The following CNN2 variants were observed in gnomAD, a reference collection of about 807,000 sequenced individuals.
CNN2 encodes the protein calponin 2, also known as calponin-2.
Under a neutral mutation model 31.0 loss-of-function variants are expected in CNN2, and 21 were observed. The ratio of observed to expected loss-of-function variants is 0.68; its 90% CI spans 0.48 to 0.98. CNN2 has a LOEUF of 0.98. CNN2 is among the 50% of genes least tolerant of loss of function. CNN2 has a pLI of 0.00. For missense variants in CNN2, 399 were observed against 427.3 expected (o/e 0.93, Z 0.58); for synonymous variants, 165 against 179.6 (o/e 0.92, Z 0.65).
Position 1,035,181 on chromosome 19 carries a change from G to A in CNN2, c.391-949G>A, listed in dbSNP as rs2436552. On this transcript the variant is annotated intron_variant, in intron 4 of 6. Transcript: ENST00000263097. ...GGGTGGGACGGTGTCTGGTGTAGAC[G>A]GGGAGCGTGGGTGGGACACGGTGTC... Among the ~76,000 whole-genome samples, 827 of 96,262 alleles carry A rather than the reference G, an allele frequency of 8.6e-3. 2 individuals carry two copies. The highest frequency in any genetic ancestry group is 0.017 in the Middle Eastern group (2 of 120). 63.2% of individuals were successfully genotyped at this position (96,262 alleles called of 152,430 possible). A position where few individuals can be genotyped will look rare whatever the true frequency, so the allele number is the denominator to read the frequency against.
intron 4 of CNN2, among the ~76,000 whole-genome samples, chr19:1,033,372 C>G (rs934310279): frequency 6.6e-6 from 1 of 151,778 alleles, no homozygotes; most frequent in East Asian, 2.0e-4. Context: ...ACAAAAATTA[C>G]CTGGGCGTGG....
rs1174400768 is a variant in CNN2 at position 1,028,370 on chromosome 19, G to A, written c.63+1646G>A. Among the ~76,000 whole-genome samples the A allele has an allele frequency of 2.0e-5, 3 of 152,160 alleles. No homozygotes were observed. The East Asian group carries it at 5.8e-4, about 29-fold the overall frequency. On this transcript the variant is annotated intron_variant, in intron 1 of 6. Coordinates refer to ENST00000263097, the MANE Select transcript of CNN2 (RefSeq NM_004368.4). The stretch of plus-strand genomic sequence containing the variant: ...CCTCAGTCTGTCCGTTTGGAGGGTG[G>A]GCGAGGCGTCGGCCAGCTTGCCAGG...
chr19:1,028,441 CT>C (rs1009160518), intron 1 of CNN2, among the ~76,000 whole-genome samples: 3 of 152,182 alleles, frequency 2.0e-5, no homozygotes, highest in Admixed American at 6.5e-5. Context: ...TTCCCCCTGG[CT>C]TCCCGCTCAC....
In CNN2 at chr19:1,026,636, C is replaced by G. The variant is rs2039399581; in HGVS notation, c.-26C>G. The G allele has an allele frequency of 3.3e-6, 5 of 1,528,496 alleles. No individual in the cohort carries two copies. The highest frequency in any genetic ancestry group is 4.4e-6 in the Non-Finnish European group (5 of 1,137,528). The allele number at this position is 1,528,496 out of a possible 1,614,324, so 94.7% of individuals were successfully genotyped here. A position where few individuals can be genotyped will look rare whatever the true frequency, so the allele number is the denominator to read the frequency against. On this transcript the variant is annotated 5_prime_UTR_variant, in exon 1 of 7. Transcript: ENST00000263097. ...CCCGTCCCGTCCCGTCCTGTGCGGC[C>G]CCGTCCCGCCGCCCGCCCGCCAGCC...
chr19:1,036,469 A>G lies in CNN2; in HGVS notation c.561A>G (p.Arg187=), dbSNP rs1064411. Residue 187 remains arginine, a synonymous_variant, in exon 6 of 7, where the codon AGA becomes AGG. Coordinates refer to ENST00000263097, the MANE Select transcript of CNN2 (RefSeq NM_004368.4). The stretch of plus-strand genomic sequence containing the variant: ...CGGGCATGACTGCCTACGGCACGAG[A>G]AGGCATCTCTATGACCCCAAGAACC... ...SQSGMTAYGT[R]RHLYDPKNHI... 298,391 of 1,612,006 alleles carry G rather than the reference A, an allele frequency of 0.19. 29,243 individuals are homozygous for G. Among genetic ancestry groups the G allele is most frequent in the Non-Finnish European group, 0.21 (244,200 of 1,178,900 alleles).
chr19:1,029,555 A>T (rs1019890042), intron 1 of CNN2, among the ~76,000 whole-genome samples: 3 of 143,968 alleles, frequency 2.1e-5, no homozygotes, highest in African/African-American at 8.1e-5. Flanking sequence ...AAATCATCCC[A>T]GGCAGGTCCA....
intron 4 of CNN2, 95 bp downstream of exon 4, chr19:1,032,791 AT>A (rs768614408): frequency 3.7e-5 from 37 of 1,007,706 alleles, no homozygotes; most frequent in Non-Finnish European, 5.2e-5. Context: ...CTGTTTGTTT[AT>A]TTTTGAGTCG....
intron 4 of CNN2, chr19:1,033,043 T>G: frequency 3.8e-6 from 1 of 264,090 alleles, no homozygotes; most frequent in South Asian, 3.9e-5. Flanking sequence ...CCTCCCCAAG[T>G]GCTGGGATTA....
rs549925834 is a variant in CNN2, at chr19:1,036,523, C to T, written c.615C>T (p.Thr205=). 6.2e-7 allele frequency: 1 copy of T among 1,613,650 alleles called. No individual in the cohort carries two copies. The highest frequency in any genetic ancestry group is 2.2e-5 in the East Asian group (1 of 44,862). Residue 205 remains threonine, a synonymous_variant, in exon 6 of 7, where the codon ACC becomes ACT. Coordinates refer to ENST00000263097, the MANE Select transcript of CNN2 (RefSeq NM_004368.4). ...NHILPPMDHS[T]ISLQMGTNKC... The stretch of plus-strand genomic sequence containing the variant: ...TCCTGCCCCCCATGGACCACTCGAC[C>T]ATCAGCCTCCAGATGGGCACGAACA...
In CNN2 at chr19:1,037,825, G is replaced by A. The variant is rs541004032; in HGVS notation, c.855G>A (p.Ser285=). 2.5e-5 allele frequency: 41 copies of A among 1,608,192 alleles called. No homozygotes were observed. The Admixed American group carries it at 3.2e-4, about 12-fold the overall frequency. ...GCACAGTGGCCGATGGGGCTCCCTC[G>A]GGCACCGGCGACTGCCCGGACCCGG... ...PQGTVADGAP[S]GTGDCPDPGE... The change falls in exon 7 of 7, where the codon TCG becomes TCA. Residue 285 remains serine (S), a synonymous_variant. Transcript: ENST00000263097.
intron 5 of CNN2, 71 bp downstream of exon 5, chr19:1,036,317 TG>T (rs747655088): frequency 4.5e-5 from 70 of 1,571,894 alleles, no homozygotes; most frequent in Middle Eastern, 2.0e-4. Flanking sequence ...ACAGCAGCAT[TG>T]GGGGACAGCG....
chr19:1,032,282 T>A (rs2039510271), intron 2 of CNN2, 110 bp from the exon 3 acceptor site: 5 of 1,240,672 alleles, frequency 4.0e-6, no homozygotes, highest in South Asian at 1.3e-5. Context: ...AGAGAGGCCG[T>A]GAGTTTGCCC....
rs1200986102 is a variant in CNN2 at position 1,032,402 on chromosome 19, A to C, written c.196A>C (p.Lys66Gln). The C allele has an allele frequency of 4.3e-6, 7 of 1,613,586 alleles. No individual in the cohort carries two copies. The highest frequency in any genetic ancestry group is 5.1e-6 in the Non-Finnish European group (6 of 1,179,994). The change falls in exon 3 of 7, where the codon AAG (lysine) becomes CAG (glutamine). Residue 66 changes from lysine to glutamine, a missense_variant. Physicochemically the swap from Lys to Gln is moderately conservative, Grantham distance 53. Transcript: ENST00000263097. Reference protein sequence around the residue: ...DGTILCTLMNKLQPGSVPKIN... With the variant: ...DGTILCTLMNQLQPGSVPKIN... ...TGTTGTGCCCTCCAGACTCATGAAC[A>C]AGCTACAGCCGGGCTCCGTCCCCAA...
chr19:1,031,338 T>TGGGG, intron 2 of CNN2, 146 bp downstream of exon 2: 1 of 33,998 alleles, frequency 2.9e-5, no homozygotes, highest in Non-Finnish European at 5.7e-5. Flanking sequence ...CCGAGGGTGG[T>TGGGG]GGCGGGGGGC....
chr19:1,029,230 C>A (rs1247236341), intron 1 of CNN2, among the ~76,000 whole-genome samples: 2 of 89,070 alleles, frequency 2.2e-5, no homozygotes, highest in Non-Finnish European at 2.1e-5. Context: ...TAACCCAAAT[C>A]ATCCCAGGCA....
In CNN2 at chr19:1,037,951, GT is replaced by G; in HGVS notation, c.*56del. On this transcript the variant is annotated 3_prime_UTR_variant, in exon 7 of 7. Coordinates refer to ENST00000263097, the MANE Select transcript of CNN2 (RefSeq NM_004368.4). ...ATCGTCTGCCCATCTGGGTTTTTGG[GT>G]TTTTCTGTGTTTTCATCTTTTTTTT... 2 of 1,422,380 alleles carry G rather than the reference GT, an allele frequency of 1.4e-6. No homozygotes were observed. Among genetic ancestry groups the G allele is most frequent in the Non-Finnish European group, 1.8e-6 (2 of 1,087,086 alleles). 88.1% of individuals were successfully genotyped at this position (1,422,380 alleles called of 1,614,324 possible). A position where few individuals can be genotyped will look rare whatever the true frequency, so the allele number is the denominator to read the frequency against.
Position 1,032,702 on chromosome 19 carries a change from G to GC in CNN2, c.390+9dup, listed in dbSNP as rs2039519413. The GC allele has an allele frequency of 6.2e-7, 1 of 1,601,894 alleles. No homozygotes were observed. Among genetic ancestry groups the GC allele is most frequent in the Non-Finnish European group, 8.5e-7 (1 of 1,172,888 alleles). On this transcript the variant is annotated splice_region_variant and intron_variant, in intron 4 of 6. Transcript: ENST00000263097. ...TTCTCGCCCTGGCGGGGAAGGTGAG[G>GC]CCCAGAGAGGGGCAGCCACCTGCCC... is the stretch of plus-strand genomic sequence containing the variant.
At position 1,036,422 on chromosome 19, in the gene CNN2, A is replaced by C; in HGVS notation, c.514A>C (p.Thr172Pro). The C allele has an allele frequency of 6.2e-7, 1 of 1,613,466 alleles. No individual in the cohort carries two copies. The highest frequency in any genetic ancestry group is 8.5e-7 in the Non-Finnish European group (1 of 1,179,614). Residue 172 changes from threonine to proline, a missense_variant, in exon 6 of 7, where the codon ACC becomes CCC. Thr to Pro is a conservative substitution (Grantham distance 38, BLOSUM62 -1). Transcript: ENST00000263097. ...CCCACGAACCTCCCTGCAGATGGGC[A>C]CCAACAAATGCGCCAGCCAGTCGGG... ...GQCVIGLQMGTNKCASQSGMT... is the reference protein window; with the variant it reads ...GQCVIGLQMGPNKCASQSGMT...
intron 1 of CNN2, among the ~76,000 whole-genome samples, chr19:1,028,905 G>C (rs2039443793): frequency 6.6e-6 from 1 of 152,230 alleles, no homozygotes; most frequent in Non-Finnish European, 1.5e-5. Context: ...CTGTGAGCTG[G>C]TACTGGGGGG....
Sources: gnomAD v4.1 joint callset for allele counts (sites outside exome capture counted in the v4.1 genomes callset) on GRCh38, gnomAD v4.1.1 for gene constraint, MANE v1.5 for transcripts, NCBI Gene and HGNC (gene_info 2026-07-23, HGNC 2026-07-21) for gene names.